Variants in PDE4B observed in about 807,000 individuals in gnomAD.
PDE4B encodes phosphodiesterase 4B.
A neutral mutation model predicts 82.2 loss-of-function variants in PDE4B; 20 were observed. The ratio of observed to expected loss-of-function variants is 0.24; its 90% CI spans 0.17 to 0.35. The LOEUF is 0.35. PDE4B is among the 10% of genes least tolerant of loss of function. PDE4B has a pLI of 1.00. For synonymous variants in PDE4B, 320 were observed against 318.9 expected, an observed-to-expected ratio of 1.00 and a Z score of -0.04; for missense variants, 655 against 907.2, an observed-to-expected ratio of 0.72 and a Z score of 3.57.
At chr1:66,088,187 A>G (rs1001203335) in intron 3 of PDE4B, among the ~76,000 whole-genome samples, 2 of 152,058 alleles carry the variant, frequency 1.3e-5, no homozygotes, top group Non-Finnish European at 2.9e-5. Flanking sequence ...GGGAGGACAC[A>G]GTGAATCTGA....
In PDE4B at chr1:66,332,191, G is replaced by A. The variant is rs575253119; in HGVS notation, c.635-317G>A. The A allele has an allele frequency of 3.5e-6, 5 of 1,414,016 alleles. No individual in the cohort carries two copies. The South Asian group carries it at 4.9e-5, about 14-fold the overall frequency. 87.6% of individuals were successfully genotyped at this position (1,414,016 alleles called of 1,614,324 possible). On this transcript the variant is annotated intron_variant, in intron 7 of 16. Transcript: ENST00000341517. ...TTGGTGCTTCTGCCTTTAGTTTTAGGACACATTTATGCAGATGAGCTTATA... is the reference window on the plus strand; with the variant it reads ...TTGGTGCTTCTGCCTTTAGTTTTAGAACACATTTATGCAGATGAGCTTATA...
At chr1:65,994,150 A>G (rs893180958) in intron 3 of PDE4B, among the ~76,000 whole-genome samples, 1 of 152,218 alleles carries the variant, frequency 6.6e-6, no homozygotes, top group Non-Finnish European at 1.5e-5. Flanking sequence ...GTTGCCAATC[A>G]ACATTATAAA....
chr1:66,187,363 G>C (rs1278858895), intron 3 of PDE4B, among the ~76,000 whole-genome samples: 1 of 152,006 alleles, frequency 6.6e-6, no homozygotes, highest in Non-Finnish European at 1.5e-5. Context: ...GCATTAGGGA[G>C]GATTCCCTCT....
chr1:65,885,989 G>A lies in PDE4B; in HGVS notation c.-70-27256G>A, dbSNP rs552508405. 4.6e-5 allele frequency among the ~76,000 whole-genome samples: 7 copies of A among 151,032 alleles called. No homozygotes were observed. The South Asian group carries it at 1.5e-3, about 32-fold the overall frequency. ...GTGACTAGTGAGTACCTAAAATTCG[G>A]CCAGTTTGAATTGAGGTATGTGCTC... On this transcript the variant is annotated intron_variant, in intron 1 of 16. Coordinates refer to ENST00000341517, the MANE Select transcript of PDE4B (RefSeq NM_002600.4).
At chr1:65,871,106 G>T (rs192174805) in intron 1 of PDE4B, among the ~76,000 whole-genome samples, 109 of 152,260 alleles carry the variant, frequency 7.2e-4, no homozygotes, top group African/African-American at 2.3e-3. Flanking sequence ...GGAATTCAAG[G>T]TAGAGATTTG....
At chr1:66,197,119 C>T (rs185298585) in intron 3 of PDE4B, among the ~76,000 whole-genome samples, 120 of 151,864 alleles carry the variant, frequency 7.9e-4, no homozygotes, top group Non-Finnish European at 1.5e-3. Flanking sequence ...TGCCGCAGTC[C>T]CTCTTGAAAT....
intron 3 of PDE4B, among the ~76,000 whole-genome samples, chr1:65,971,810 A>T (rs1485802363): frequency 6.6e-6 from 1 of 152,196 alleles, no homozygotes; most frequent in Non-Finnish European, 1.5e-5. Flanking sequence ...TCATCTCTAG[A>T]ATGCTTAAGT....
chr1:66,263,105 C>T (rs144133385), intron 6 of PDE4B, among the ~76,000 whole-genome samples: 1,660 of 152,310 alleles, frequency 0.011, 10 homozygotes, highest in Non-Finnish European at 0.015. Context: ...CCCTGTGTTA[C>T]AGTGGTGCAC....
intron 3 of PDE4B, among the ~76,000 whole-genome samples, chr1:66,200,599 T>G (rs1237956106): frequency 1.3e-5 from 2 of 152,270 alleles, no homozygotes; most frequent in African/African-American, 4.8e-5. Flanking sequence ...TTTTATTCTC[T>G]TTGAAGCAAT....
chr1:66,087,419 G>A (rs976420929), intron 3 of PDE4B, among the ~76,000 whole-genome samples: 3 of 151,978 alleles, frequency 2.0e-5, no homozygotes, highest in Admixed American at 1.3e-4. Flanking sequence ...AGTAGGTTGC[G>A]AAAATTTTCT....
chr1:66,310,089 C>T (rs959133592), intron 7 of PDE4B, among the ~76,000 whole-genome samples: 1 of 152,094 alleles, frequency 6.6e-6, no homozygotes, highest in African/African-American at 2.4e-5. Context: ...TGTGGGAGGG[C>T]CTCTGATAGA....
intron 3 of PDE4B, among the ~76,000 whole-genome samples, chr1:66,204,700 C>T (rs541059334): frequency 4.6e-5 from 7 of 152,306 alleles, no homozygotes; most frequent in South Asian, 2.1e-4. Flanking sequence ...ATTGGAAAAG[C>T]GCAGAATTAG....
chr1:65,927,842 C>A (rs1169845422), intron 3 of PDE4B, among the ~76,000 whole-genome samples: 1 of 152,146 alleles, frequency 6.6e-6, no homozygotes, highest in Non-Finnish European at 1.5e-5. Context: ...TGTGGGGGTT[C>A]TGCCAGTTGC....
chr1:65,950,976 A>T (rs2100571090), intron 3 of PDE4B, among the ~76,000 whole-genome samples: 1 of 152,226 alleles, frequency 6.6e-6, no homozygotes, highest in East Asian at 1.9e-4. Context: ...AGTCTTGGAT[A>T]AGAAGGTTGT....
Position 65,939,644 on chromosome 1 carries a change from G to A in PDE4B, c.281+20809G>A, listed in dbSNP as rs563275714. Among the ~76,000 whole-genome samples the A allele has an allele frequency of 5.3e-5, 8 of 152,204 alleles. No individual in the cohort carries two copies. In the East Asian group the frequency reaches 9.7e-4, roughly 18 times the overall value. ...TGCTCAGGTCTTGAACCCCACAAAG[G>A]CAGTCATCTAAGTGTATAAATAAGT... On this transcript the variant is annotated intron_variant, in intron 3 of 16. Transcript: ENST00000341517.
At position 66,112,056 on chromosome 1, in the gene PDE4B, A is replaced by G. The variant is rs150942587; in HGVS notation, c.282-135404A>G. 3.3e-5 allele frequency among the ~76,000 whole-genome samples: 5 copies of G among 152,252 alleles called. No individual in the cohort carries two copies. The East Asian group carries it at 9.6e-4, about 29-fold the overall frequency. On this transcript the variant is annotated intron_variant, in intron 3 of 16. Coordinates refer to ENST00000341517, the MANE Select transcript of PDE4B (RefSeq NM_002600.4). ...GAACAAAATTACCAAAGAGCAATGTATATAAAAAGTTGATTAATTTATATA... is the reference window on the plus strand; with the variant it reads ...GAACAAAATTACCAAAGAGCAATGTGTATAAAAAGTTGATTAATTTATATA...
rs1477530309 is a variant in PDE4B at position 66,041,827 on chromosome 1, CAT to C, written c.281+122994_281+122995del. 3.9e-3 allele frequency among the ~76,000 whole-genome samples: 470 copies of C among 121,902 alleles called. 3 individuals carry two copies. Among genetic ancestry groups the C allele is most frequent in the African/African-American group, 8.8e-3 (315 of 35,742 alleles). The allele number at this position is 121,902 out of a possible 152,430, so 80.0% of individuals were successfully genotyped here. A position where few individuals can be genotyped will look rare whatever the true frequency, so the allele number is the denominator to read the frequency against. ...ACACACACACACACACACACACACA[CAT>C]ACACACACACACACACACAGAATAC... On this transcript the variant is annotated intron_variant, in intron 3 of 16. Transcript: ENST00000341517.
intron 3 of PDE4B, among the ~76,000 whole-genome samples, chr1:66,106,039 C>A (rs1338585251): frequency 6.6e-6 from 1 of 151,662 alleles, no homozygotes; most frequent in East Asian, 1.9e-4. Flanking sequence ...GGAATGCTTC[C>A]AGTTTGTGCC....
intron 1 of PDE4B, among the ~76,000 whole-genome samples, chr1:65,827,652 C>T (rs1646034917): frequency 6.6e-6 from 1 of 152,006 alleles, no homozygotes; most frequent in Non-Finnish European, 1.5e-5. Flanking sequence ...AGAGCTGAGA[C>T]ATTATCAAAC....
Sources: allele counts gnomAD v4.1 joint callset (sites outside exome capture counted in the v4.1 genomes callset), GRCh38; gene constraint gnomAD v4.1.1; transcripts MANE v1.5; gene names NCBI Gene and HGNC (gene_info 2026-07-23, HGNC 2026-07-21).